FRAS1: variants seen among roughly 807,000 people sequenced by gnomAD.
The protein encoded by FRAS1 is extracellular matrix organizing protein FRAS1.
Under a neutral mutation model 435.2 loss-of-function variants are expected in FRAS1, and 290 were observed. That is an observed-to-expected ratio of 0.67 (90% CI 0.61 to 0.73). The LOEUF is 0.73. Among genes scored for constraint, FRAS1 ranks in the 30% least tolerant of loss-of-function variants. The probability of loss-of-function intolerance (pLI) is 0.00; values close to 1 mark genes in which losing one functional copy is unlikely to be tolerated. For synonymous variants in FRAS1, 1,800 were observed against 1,851.0 expected (o/e 0.97, Z 0.71); for missense variants, 4,860 against 5,001.5 (o/e 0.97, Z 0.85).
intron 2 of FRAS1, among the ~76,000 whole-genome samples, chr4:78,119,171 A>T (rs1039254798): frequency 5.3e-5 from 8 of 152,214 alleles, no homozygotes; most frequent in Non-Finnish European, 1.2e-4. Flanking sequence ...TTAAACATTT[A>T]TCACTTCTTT....
chr4:78,385,082 G>A (rs1732171690), intron 28 of FRAS1, among the ~76,000 whole-genome samples: 1 of 152,068 alleles, frequency 6.6e-6, no homozygotes, highest in Admixed American at 6.6e-5. Flanking sequence ...AGGAAGTCAT[G>A]GTAGATGCTA....
intron 47 of FRAS1, among the ~76,000 whole-genome samples, chr4:78,460,660 A>G (rs1379333958): frequency 6.6e-6 from 1 of 152,240 alleles, no homozygotes; most frequent in Non-Finnish European, 1.5e-5. Context: ...AGCCTGCTAC[A>G]CACCTGGGCT....
At chr4:78,472,361 A>T in intron 52 of FRAS1, 31 bp downstream of exon 52, 1 of 1,556,314 alleles carries the variant, frequency 6.4e-7, no homozygotes, top group South Asian at 1.2e-5. Context: ...TAGAAATGGG[A>T]GAAATCTATG....
In FRAS1 at chr4:78,469,967, C is replaced by A; in HGVS notation, c.7258-11C>A. On this transcript the variant is annotated splice_polypyrimidine_tract_variant and intron_variant, in intron 50 of 73. Transcript: ENST00000512123. Reference sequence around the variant, plus strand: ...TGAATGATGAGTTTTCTTTTCTGCCCTCCCCTTCAGATTATGACAGCAGCA... The same window carrying A: ...TGAATGATGAGTTTTCTTTTCTGCCATCCCCTTCAGATTATGACAGCAGCA... The A allele has an allele frequency of 6.3e-7, 1 of 1,599,146 alleles. No homozygotes were observed. The highest frequency in any genetic ancestry group is 8.6e-7 in the Non-Finnish European group (1 of 1,167,352).
intron 20 of FRAS1, among the ~76,000 whole-genome samples, chr4:78,340,222 A>G (rs1730344451): frequency 6.6e-6 from 1 of 152,166 alleles, no homozygotes; most frequent in Non-Finnish European, 1.5e-5. Flanking sequence ...AGAAGGTCCT[A>G]CCAAAATAAG....
At chr4:78,198,324 G>T (rs1488088927) in intron 2 of FRAS1, among the ~76,000 whole-genome samples, 2 of 152,168 alleles carry the variant, frequency 1.3e-5, no homozygotes, top group Non-Finnish European at 2.9e-5. Flanking sequence ...GGTCCCGTGG[G>T]CATACAGCCC....
chr4:78,171,718 GA>G (rs1221296638), intron 2 of FRAS1, among the ~76,000 whole-genome samples: 2 of 152,112 alleles, frequency 1.3e-5, no homozygotes, highest in Non-Finnish European at 2.9e-5. Context: ...CACCTGCTAT[GA>G]AGCCACCCTC....
intron 2 of FRAS1, among the ~76,000 whole-genome samples, chr4:78,068,076 T>G (rs981061767): frequency 6.6e-6 from 1 of 152,134 alleles, no homozygotes; most frequent in African/African-American, 2.4e-5. Context: ...AATAATAAAA[T>G]TATTAAACAA....
At chr4:78,158,773 T>C (rs1478313017) in intron 2 of FRAS1, among the ~76,000 whole-genome samples, 5 of 152,214 alleles carry the variant, frequency 3.3e-5, no homozygotes, top group Non-Finnish European at 7.3e-5. Context: ...TTATTTTATC[T>C]CCTATGACCT....
Position 78,488,977 on chromosome 4 carries a change from C to G in FRAS1, c.8855C>G (p.Ser2952Ter). 1 of 1,613,654 alleles carries G rather than the reference C, an allele frequency of 6.2e-7. No homozygotes were observed. Among genetic ancestry groups the G allele is most frequent in the Non-Finnish European group, 8.5e-7 (1 of 1,179,738 alleles). Residue 2952 changes from serine to a stop codon, truncating the protein, a stop_gained, in exon 59 of 74, where the codon TCA (serine) becomes TGA (stop). Coordinates refer to ENST00000512123, the MANE Select transcript of FRAS1 (RefSeq NM_025074.7). LOFTEE classifies it high-confidence loss of function. ...TRSGDLSYES[S>*]VRCYTQSHSA... Reference sequence around the variant, plus strand: ...AGCGGAGACCTGAGCTATGAGTCATCAGTGAGGTGCTATACTCAGAGCCAT... The same window carrying G: ...AGCGGAGACCTGAGCTATGAGTCATGAGTGAGGTGCTATACTCAGAGCCAT...
At chr4:78,441,579 T>C (rs1287256890) in intron 41 of FRAS1, among the ~76,000 whole-genome samples, 2 of 151,960 alleles carry the variant, frequency 1.3e-5, no homozygotes, top group African/African-American at 2.4e-5. Context: ...AGAGACAAAT[T>C]AAAAACCTAA....
chr4:78,520,633 G>T (rs1301819365), intron 67 of FRAS1, among the ~76,000 whole-genome samples: 2 of 144,168 alleles, frequency 1.4e-5, no homozygotes, highest in Non-Finnish European at 3.2e-5. Context: ...CTAATACAAT[G>T]CATATGCTAT....
intron 14 of FRAS1, among the ~76,000 whole-genome samples, chr4:78,301,055 G>A (rs754280806): frequency 1.6e-4 from 25 of 152,232 alleles, no homozygotes; most frequent in Admixed American, 5.9e-4. Flanking sequence ...GAACTGAGAA[G>A]AGAGAATTGG....
At position 78,339,869 on chromosome 4, in the gene FRAS1, T is replaced by C. The variant is rs549098948; in HGVS notation, c.2422+2052T>C. The stretch of plus-strand genomic sequence containing the variant: ...GTCTTAAGGCAAGAAATCTGCAACT[T>C]GTATGGAAAATGGACTAACATAAGG... On this transcript the variant is annotated intron_variant, in intron 20 of 73. Coordinates refer to ENST00000512123, the MANE Select transcript of FRAS1 (RefSeq NM_025074.7). Among the ~76,000 whole-genome samples, 29 of 152,254 alleles carry C rather than the reference T, an allele frequency of 1.9e-4. No homozygotes were observed. The South Asian group carries it at 6.0e-3, about 32-fold the overall frequency.
chr4:78,440,480 A>G (rs1388159812), intron 40 of FRAS1, among the ~76,000 whole-genome samples: 1 of 152,196 alleles, frequency 6.6e-6, no homozygotes, highest in Non-Finnish European at 1.5e-5. Context: ...CAGTTAGCCA[A>G]GAGTTGTTCA....
Position 78,158,267 on chromosome 4 carries a change from G to A in FRAS1, c.109-79243G>A, listed in dbSNP as rs11724842. On this transcript the variant is annotated intron_variant, in intron 2 of 73. Coordinates refer to ENST00000512123, the MANE Select transcript of FRAS1 (RefSeq NM_025074.7). ...GCATTCAATCTGTGGCTTGCTTTGC[G>A]CAGTATGGCCATTTTAATGATTTTG... 9.0e-3 allele frequency among the ~76,000 whole-genome samples: 1,372 copies of A among 152,222 alleles called. 13 individuals are homozygous for A. The highest frequency in any genetic ancestry group is 0.014 in the Non-Finnish European group (982 of 68,002).
intron 2 of FRAS1, among the ~76,000 whole-genome samples, chr4:78,133,964 TTG>T (rs1186860276): frequency 4.0e-4 from 42 of 105,420 alleles, no homozygotes; most frequent in African/African-American, 1.3e-3. Context: ...TTTTTTTTTT[TTG>T]TTTTTTTTTT....
At chr4:78,116,402 G>C in intron 2 of FRAS1, among the ~76,000 whole-genome samples, 1 of 152,186 alleles carries the variant, frequency 6.6e-6, no homozygotes, top group Non-Finnish European at 1.5e-5. Context: ...TTTCTGTCTC[G>C]TTGATCTGTC....
chr4:78,321,499 C>T (rs1560653539), intron 18 of FRAS1, among the ~76,000 whole-genome samples: 1 of 152,122 alleles, frequency 6.6e-6, no homozygotes, highest in Non-Finnish European at 1.5e-5. Context: ...AGAAAACATC[C>T]TTGACAAAGG....
Sources: allele counts gnomAD v4.1 joint callset (sites outside exome capture counted in the v4.1 genomes callset), GRCh38; gene constraint gnomAD v4.1.1; transcripts MANE v1.5; gene names NCBI Gene and HGNC (gene_info 2026-07-23, HGNC 2026-07-21).